PACRG: variants seen among roughly 807,000 people sequenced by gnomAD.
PACRG encodes parkin coregulated.
PACRG carries 29 observed loss-of-function variants against 29.7 expected under a neutral mutation model. The ratio of observed to expected loss-of-function variants is 0.98; its 90% CI spans 0.73 to 1.33. The LOEUF is 1.33. PACRG is among the 40% of genes most tolerant of loss of function. PACRG has a pLI of 0.00. For synonymous variants in PACRG, 116 were observed against 118.7 expected (o/e 0.98, Z 0.15); for missense variants, 279 against 316.2 (o/e 0.88, Z 0.89).
intron 2 of PACRG, among the ~76,000 whole-genome samples, chr6:162,845,973 C>T (rs1295578570): frequency 6.6e-6 from 1 of 152,084 alleles, no homozygotes; most frequent in African/African-American, 2.4e-5. Flanking sequence ...CAAGATTAAA[C>T]ATGCAGGAAA....
chr6:162,874,774 T>A (rs1315981347), intron 2 of PACRG, among the ~76,000 whole-genome samples: 1 of 151,452 alleles, frequency 6.6e-6, no homozygotes, highest in African/African-American at 2.4e-5. Context: ...ATTCACACAC[T>A]CGCACACACT....
chr6:162,838,107 T>A (rs1165401734), intron 2 of PACRG, among the ~76,000 whole-genome samples: 1 of 152,202 alleles, frequency 6.6e-6, no homozygotes, highest in Non-Finnish European at 1.5e-5. Flanking sequence ...CTTTCCTATC[T>A]TAGTTGACTT....
intron 4 of PACRG, among the ~76,000 whole-genome samples, chr6:163,175,935 A>T (rs897123523): frequency 1.3e-5 from 2 of 152,206 alleles, no homozygotes; most frequent in East Asian, 3.8e-4. Flanking sequence ...TTCCCAATCT[A>T]AAGCACAGTT....
At chr6:163,296,199 A>G (rs1372252604) in intron 4 of PACRG, among the ~76,000 whole-genome samples, 1 of 152,214 alleles carries the variant, frequency 6.6e-6, no homozygotes, top group African/African-American at 2.4e-5. Context: ...TAGTAGAACT[A>G]ATTAAAAAGG....
chr6:163,245,278 T>C (rs1332036225), intron 4 of PACRG: 1 of 237,202 alleles, frequency 4.2e-6, no homozygotes, highest in Non-Finnish European at 8.5e-6. Context: ...GTTAAACTAC[T>C]CTTGGAAACT....
chr6:163,280,200 T>C (rs1228093183), intron 4 of PACRG, among the ~76,000 whole-genome samples: 1 of 152,178 alleles, frequency 6.6e-6, no homozygotes, highest in African/African-American at 2.4e-5. Flanking sequence ...GTTATCACTT[T>C]AGGGAGTGAG....
intron 2 of PACRG, among the ~76,000 whole-genome samples, chr6:163,016,640 T>G (rs1209791351): frequency 6.6e-6 from 1 of 152,110 alleles, no homozygotes; most frequent in Non-Finnish European, 1.5e-5. Context: ...AATGAGCTAG[T>G]AAGTTTTTTT....
chr6:163,211,344 G>A (rs1264952885), intron 4 of PACRG, among the ~76,000 whole-genome samples: 1 of 152,152 alleles, frequency 6.6e-6, no homozygotes, highest in Non-Finnish European at 1.5e-5. Context: ...ATATGGTAAA[G>A]TCACTGTTTT....
Position 162,881,965 on chromosome 6 carries a change from G to GGA in PACRG, c.291+67685_291+67686insAG, listed in dbSNP as rs1210582983. Among the ~76,000 whole-genome samples the GGA allele has an allele frequency of 8.4e-4, 107 of 127,216 alleles. 9 individuals are homozygous for GGA. The highest frequency in any genetic ancestry group is 2.9e-3 in the African/African-American group (99 of 33,652). 83.5% of individuals were successfully genotyped at this position (127,216 alleles called of 152,430 possible). Reference sequence around the variant, plus strand: ...TCCACCAAGACCAGAGATGGGTGGGGGGGGGCACTCTTCCACTAAGGACAG... The same window carrying GGA: ...TCCACCAAGACCAGAGATGGGTGGGGGAGGGGGCACTCTTCCACTAAGGACAG... On this transcript the variant is annotated intron_variant, in intron 2 of 4. Coordinates refer to ENST00000366888, the MANE Select transcript of PACRG (RefSeq NM_001080379.2).
intron 2 of PACRG, among the ~76,000 whole-genome samples, chr6:163,004,753 CACAT>C (rs771788675): frequency 3.0e-4 from 42 of 142,162 alleles, no homozygotes; most frequent in Admixed American, 1.2e-3. Flanking sequence ...CACACACACA[CACAT>C]ATCTGCAAAT....
At chr6:162,891,029 C>G (rs559234936) in intron 2 of PACRG, among the ~76,000 whole-genome samples, 11 of 152,240 alleles carry the variant, frequency 7.2e-5, no homozygotes, top group Admixed American at 3.3e-4. Flanking sequence ...AGTGCCTGCT[C>G]CAGGAAAGCC....
chr6:162,795,824 C>T (rs900979180), intron 1 of PACRG, among the ~76,000 whole-genome samples: 1 of 151,926 alleles, frequency 6.6e-6, no homozygotes, highest in African/African-American at 2.4e-5. Flanking sequence ...TACATTTTTC[C>T]CATGTACTTT....
At chr6:163,125,029 C>T (rs1423536978) in intron 4 of PACRG, among the ~76,000 whole-genome samples, 1 of 152,056 alleles carries the variant, frequency 6.6e-6, no homozygotes, top group Non-Finnish European at 1.5e-5. Context: ...CCAAACAAAG[C>T]AATGCAATTG....
intron 2 of PACRG, among the ~76,000 whole-genome samples, chr6:162,862,823 G>T (rs908105611): frequency 6.6e-6 from 1 of 152,182 alleles, no homozygotes; most frequent in Non-Finnish European, 1.5e-5. Context: ...TGCTGCTTGT[G>T]CAGACTGGCT....
intron 2 of PACRG, among the ~76,000 whole-genome samples, chr6:163,052,187 A>G (rs866794065): frequency 1.2e-4 from 19 of 152,152 alleles, no homozygotes; most frequent in East Asian, 3.9e-4. Context: ...ACCTCTTGTA[A>G]TAACTCAATA....
intron 4 of PACRG, among the ~76,000 whole-genome samples, chr6:163,117,194 T>G (rs546599472): frequency 6.6e-6 from 1 of 152,282 alleles, no homozygotes; most frequent in Non-Finnish European, 1.5e-5. Context: ...GCAAACCATC[T>G]AGGAAAGAGC....
intron 4 of PACRG, among the ~76,000 whole-genome samples, chr6:163,161,915 A>G (rs976288283): frequency 1.3e-5 from 2 of 152,232 alleles, no homozygotes; most frequent in African/African-American, 4.8e-5. Flanking sequence ...TAGCCATAAA[A>G]GTATCTTCTC....
intron 4 of PACRG, among the ~76,000 whole-genome samples, chr6:163,252,377 C>A (rs184167414): frequency 6.6e-6 from 1 of 152,202 alleles, no homozygotes; most frequent in South Asian, 2.1e-4. Context: ...AGCAGGGGGG[C>A]GACATCATCG....
chr6:163,066,893 A>G (rs1389454124), intron 3 of PACRG, among the ~76,000 whole-genome samples: 1 of 152,262 alleles, frequency 6.6e-6, no homozygotes. Flanking sequence ...TTTCAAGTGT[A>G]TAAAGAGGAT....
Sources: gnomAD v4.1 joint callset for allele counts (sites outside exome capture counted in the v4.1 genomes callset) on GRCh38, gnomAD v4.1.1 for gene constraint, MANE v1.5 for transcripts, NCBI Gene and HGNC (gene_info 2026-07-23, HGNC 2026-07-21) for gene names.